KIF1B: variants seen among roughly 807,000 people sequenced by gnomAD.
The protein encoded by KIF1B is kinesin family member 1B.
In KIF1B, 76 loss-of-function variants were observed where a neutral mutation model predicts 241.9. The observed-to-expected ratio is 0.31, with a 90% CI of 0.26 to 0.38. The LOEUF is 0.38. Among genes scored for constraint, KIF1B ranks in the 10% least tolerant of loss-of-function variants. KIF1B has a pLI of 1.00. For synonymous variants in KIF1B, 750 were observed against 796.7 expected, an observed-to-expected ratio of 0.94 and a Z score of 0.99; for missense variants, 1,622 against 2,271.4, an observed-to-expected ratio of 0.71 and a Z score of 5.81.
At chr1:10,344,103 G>GCTCTC (rs1472444242) in intron 34 of KIF1B, among the ~76,000 whole-genome samples, 15 of 152,162 alleles carry the variant, frequency 9.9e-5, no homozygotes, top group African/African-American at 3.4e-4. Context: ...ATGAGAGAAA[G>GCTCTC]ATTGAGCTGA....
chr1:10,249,587 C>T lies in KIF1B; in HGVS notation c.107-6660C>T, dbSNP rs565278611. On this transcript the variant is annotated intron_variant, in intron 2 of 48. Transcript: ENST00000676179. ...CACATTTAAGTAAGGACTTGAATGT[C>T]GTACTTTGACTGTTGGCAAGAAATA... is the stretch of plus-strand genomic sequence containing the variant. Among the ~76,000 whole-genome samples, 19 of 152,234 alleles carry T rather than the reference C, an allele frequency of 1.2e-4. No homozygotes were observed. The South Asian group carries it at 3.7e-3, about 30-fold the overall frequency.
At chr1:10,295,041 C>G in intron 17 of KIF1B, 45 bp from the exon 18 acceptor site, 1 of 1,291,882 alleles carries the variant, frequency 7.7e-7, no homozygotes, top group South Asian at 1.2e-5. Flanking sequence ...CCACAGCTCT[C>G]TCATGGTGCC....
chr1:10,381,120 G>C lies in KIF1B; in HGVS notation c.*4533G>C. The stretch of plus-strand genomic sequence containing the variant: ...GTTGTGTGTTGTTCTTCATGTCTTC[G>C]AGTTCATTTTTTTTCATTCTGCCTA... On this transcript the variant is annotated 3_prime_UTR_variant, in exon 49 of 49. Coordinates refer to ENST00000676179, the MANE Select transcript of KIF1B (RefSeq NM_001365951.3). The C allele has an allele frequency of 4.5e-6, 1 of 221,678 alleles. No individual in the cohort carries two copies. The highest frequency in any genetic ancestry group is 6.6e-5 in the East Asian group (1 of 15,108). 13.7% of individuals were successfully genotyped at this position (221,678 alleles called of 1,614,324 possible). A position where few individuals can be genotyped will look rare whatever the true frequency, so the allele number is the denominator to read the frequency against.
At chr1:10,231,630 G>T (rs1382969291) in intron 1 of KIF1B, among the ~76,000 whole-genome samples, 1 of 151,588 alleles carries the variant, frequency 6.6e-6, no homozygotes, top group African/African-American at 2.4e-5. Flanking sequence ...CAAGTGATCC[G>T]CCCAACTTGA....
At chr1:10,306,617 A>G in intron 22 of KIF1B, 1 of 523,468 alleles carries the variant, frequency 1.9e-6, no homozygotes, top group Non-Finnish European at 2.6e-6. Flanking sequence ...GCAGGAAACC[A>G]CAAACTTGCA....
intron 27 of KIF1B, among the ~76,000 whole-genome samples, chr1:10,330,978 A>C (rs981006763): frequency 3.3e-5 from 5 of 151,954 alleles, no homozygotes; most frequent in African/African-American, 1.2e-4. Context: ...CAAAGGCGTG[A>C]GGCTGGGTGT....
At position 10,253,739 on chromosome 1, in the gene KIF1B, T is replaced by C. The variant is rs905072624; in HGVS notation, c.107-2508T>C. On this transcript the variant is annotated intron_variant, in intron 2 of 48. Transcript: ENST00000676179. ...TTTTAAATCTTGCATTTAATTCCTC[T>C]TTGGTTAGAAGTATACTTCTTTGCT... Among the ~76,000 whole-genome samples, 8 of 152,360 alleles carry C rather than the reference T, an allele frequency of 5.3e-5. No homozygotes were observed. The East Asian group carries it at 1.5e-3, about 29-fold the overall frequency.
chr1:10,247,508 G>C (rs1040626445), intron 2 of KIF1B, among the ~76,000 whole-genome samples: 1 of 152,192 alleles, frequency 6.6e-6, no homozygotes, highest in Admixed American at 6.5e-5. Context: ...GCAGGGACTT[G>C]TTTTCACTAG....
At chr1:10,239,146 CA>C (rs1647098892) in intron 2 of KIF1B, among the ~76,000 whole-genome samples, 1 of 152,036 alleles carries the variant, frequency 6.6e-6, no homozygotes, top group Non-Finnish European at 1.5e-5. Flanking sequence ...AGAGTTTCTA[CA>C]AAAAACCATG....
intron 22 of KIF1B, among the ~76,000 whole-genome samples, chr1:10,300,428 A>G (rs1650486202): frequency 6.6e-6 from 1 of 151,936 alleles, no homozygotes; most frequent in South Asian, 2.1e-4. Context: ...AGTATTTTAA[A>G]AAGAAAGAAA....
Position 10,282,464 on chromosome 1 carries a change from G to A in KIF1B, c.1365G>A (p.Thr455=), listed in dbSNP as rs17034660. Residue 455 remains threonine, a synonymous_variant, in exon 15 of 49, where the codon ACG becomes ACA. Transcript: ENST00000676179. ...CACTCAGTAGTCAGGTGGGCTTGACGTCTGTGACCAGTATTCAAGAGAGGA... is the reference window on the plus strand; with the variant it reads ...CACTCAGTAGTCAGGTGGGCTTGACATCTGTGACCAGTATTCAAGAGAGGA... ...SCSLSSQVGL[T]SVTSIQERIM... The A allele has an allele frequency of 0.027, 42,783 of 1,614,006 alleles. 760 individuals carry two copies. The highest frequency in any genetic ancestry group is 0.085 in the Middle Eastern group (516 of 6,062).
chr1:10,226,319 G>T (rs1380320255), intron 1 of KIF1B, among the ~76,000 whole-genome samples: 1 of 152,196 alleles, frequency 6.6e-6, no homozygotes, highest in Non-Finnish European at 1.5e-5. Flanking sequence ...ATGCTGGAAG[G>T]ATAGCTAGGT....
chr1:10,328,737 A>G (rs976594877), intron 27 of KIF1B, among the ~76,000 whole-genome samples: 5 of 152,202 alleles, frequency 3.3e-5, no homozygotes, highest in Non-Finnish European at 4.4e-5. Flanking sequence ...CTTACGTAAC[A>G]TGGTGAGGAG....
At chr1:10,271,385 C>T (rs764476720) in intron 7 of KIF1B, 117 bp from the exon 8 acceptor site, 2 of 793,578 alleles carry the variant, frequency 2.5e-6, no homozygotes, top group East Asian at 2.5e-5. Context: ...TTTAAAAGCT[C>T]TAATACTTTT....
chr1:10,304,630 C>T (rs746409974), intron 22 of KIF1B: 5 of 1,613,810 alleles, frequency 3.1e-6, no homozygotes, highest in Non-Finnish European at 4.2e-6. Flanking sequence ...CAAAGCTGGT[C>T]GAGAAACCAC....
chr1:10,373,984 G>A (rs1228086056), intron 45 of KIF1B, among the ~76,000 whole-genome samples: 1 of 152,218 alleles, frequency 6.6e-6, no homozygotes, highest in Non-Finnish European at 1.5e-5. Context: ...TTTTGGTGTG[G>A]CCATGGGACT....
At chr1:10,280,028 T>G (rs1442028408) in intron 14 of KIF1B, among the ~76,000 whole-genome samples, 1 of 152,052 alleles carries the variant, frequency 6.6e-6, no homozygotes, top group Non-Finnish European at 1.5e-5. Flanking sequence ...AGTCACAAAT[T>G]AAAATAACTT....
In KIF1B at chr1:10,324,572, A is replaced by AG. The variant is rs555485741; in HGVS notation, c.2538-185dup. On this transcript the variant is annotated intron_variant, in intron 25 of 48. Coordinates refer to ENST00000676179, the MANE Select transcript of KIF1B (RefSeq NM_001365951.3). ...TTTTGATGGCTTATCTCTAGAATCA[A>AG]GACACTTTAGATACTGAGTGTTGGT... 1.0e-3 allele frequency among the ~76,000 whole-genome samples: 159 copies of AG among 152,234 alleles called. 2 individuals are homozygous for AG. The South Asian group carries it at 0.029, about 27-fold the overall frequency.
At chr1:10,361,393 C>G (rs538940305) in intron 39 of KIF1B, among the ~76,000 whole-genome samples, 6 of 152,168 alleles carry the variant, frequency 3.9e-5, no homozygotes. Context: ...CCCAGCCTGT[C>G]GGTTCAAATC....
Sources: allele counts gnomAD v4.1 joint callset (sites outside exome capture counted in the v4.1 genomes callset), GRCh38; gene constraint gnomAD v4.1.1; transcripts MANE v1.5; gene names NCBI Gene and HGNC (gene_info 2026-07-23, HGNC 2026-07-21).